The following REXO5 variants were observed in gnomAD, a reference collection of about 807,000 sequenced individuals.
The protein encoded by REXO5 is RNA exonuclease 5.
REXO5 carries 48 observed loss-of-function variants against 88.5 expected under a neutral mutation model. That is an observed-to-expected ratio of 0.54 (90% CI 0.43 to 0.69). The LOEUF is 0.69. Ranked by LOEUF, REXO5 falls within the 30% of genes least tolerant of loss-of-function variation. REXO5 has a pLI of 0.00. For synonymous variants in REXO5, 311 were observed against 336.5 expected (o/e 0.92, Z 0.83); for missense variants, 749 against 912.2 (o/e 0.82, Z 2.30).
intron 5 of REXO5, among the ~76,000 whole-genome samples, chr16:20,817,520 G>A (rs540613666): frequency 6.6e-6 from 1 of 152,296 alleles, no homozygotes; most frequent in South Asian, 2.1e-4. Context: ...GCCATATCCT[G>A]CAGGCTTTGT....
chr16:20,807,157 C>A, intron 2 of REXO5, 66 bp downstream of exon 2: 1 of 1,529,662 alleles, frequency 6.5e-7, no homozygotes, highest in Non-Finnish European at 8.8e-7. Flanking sequence ...CTCGCCCAAC[C>A]GCCGTCGGGG....
intron 3 of REXO5, among the ~76,000 whole-genome samples, chr16:20,814,480 C>A (rs1207861979): frequency 3.3e-5 from 5 of 152,000 alleles, no homozygotes; most frequent in Non-Finnish European, 7.4e-5. Context: ...GACCTCAAGT[C>A]ATCCACCTGC....
At chr16:20,827,567 T>G (rs1323420996) in intron 10 of REXO5, 120 bp downstream of exon 10, 2 of 699,972 alleles carry the variant, frequency 2.9e-6, no homozygotes, top group South Asian at 1.9e-5. Context: ...TTTAAACATG[T>G]TTTTTTGCAT....
chr16:20,820,213 A>G (rs1309634025), intron 5 of REXO5, among the ~76,000 whole-genome samples: 1 of 152,030 alleles, frequency 6.6e-6, no homozygotes, highest in Admixed American at 6.5e-5. Context: ...TCCTATGCTC[A>G]TCTCTTGCAC....
intron 18 of REXO5, 54 bp downstream of exon 18, chr16:20,845,295 C>T (rs2081590454): frequency 1.4e-6 from 2 of 1,417,292 alleles, no homozygotes; most frequent in African/African-American, 1.5e-5. Flanking sequence ...TGCTCAGTGA[C>T]ACTTAATCCT....
Position 20,832,161 on chromosome 16 carries a change from A to G in REXO5, c.1164A>G (p.Ala388=), listed in dbSNP as rs780751203. ...YFLKHGPKKI[A]ELNLEALANH... ...ACCACTTTGTTTTCTTCAAGATTGC[A>G]GAACTAAATCTAGAAGCACTAGCTA... The change falls in exon 12 of 20, where the codon GCA becomes GCG. Residue 388 remains alanine (A), a synonymous_variant. Coordinates refer to ENST00000261377, the MANE Select transcript of REXO5 (RefSeq NM_030941.3). 1.1e-5 allele frequency: 17 copies of G among 1,600,674 alleles called. No individual in the cohort carries two copies. Among genetic ancestry groups the G allele is most frequent in the Admixed American group, 5.1e-5 (3 of 58,500 alleles).
rs149370073 is a variant in REXO5 at position 20,807,778 on chromosome 16, C to G, written c.138+687C>G. Among the ~76,000 whole-genome samples the G allele has an allele frequency of 2.4e-4, 36 of 151,974 alleles. No individual in the cohort carries two copies. The East Asian group carries it at 6.0e-3, about 25-fold the overall frequency. On this transcript the variant is annotated intron_variant, in intron 2 of 19. Transcript: ENST00000261377. Reference sequence around the variant, plus strand: ...AAAAACAAAACAAAAAAAAAACTGCCTGTACATAATAGGAATGTTCATCGA... The same window carrying G: ...AAAAACAAAACAAAAAAAAAACTGCGTGTACATAATAGGAATGTTCATCGA...
chr16:20,822,511 C>T (rs543665838), intron 6 of REXO5, among the ~76,000 whole-genome samples: 1 of 152,320 alleles, frequency 6.6e-6, no homozygotes, highest in Non-Finnish European at 1.5e-5. Context: ...CAGAGTTGTA[C>T]AGCCATCACC....
intron 5 of REXO5, among the ~76,000 whole-genome samples, chr16:20,820,276 T>G (rs1285528857): frequency 6.6e-6 from 1 of 151,914 alleles, no homozygotes; most frequent in East Asian, 1.9e-4. Context: ...TTACTCTACA[T>G]TTCTGTCTTG....
At position 20,845,194 on chromosome 16, in the gene REXO5, C is replaced by G. The variant is rs1258357892; in HGVS notation, c.2077C>G (p.Pro693Ala). The change falls in exon 18 of 20, where the codon CCA (proline) becomes GCA (alanine). Residue 693 changes from proline to alanine, a missense_variant. Coordinates refer to ENST00000261377, the MANE Select transcript of REXO5 (RefSeq NM_030941.3). ...CTTACCACCTGAATCAACAAGGCTC[C>G]CAGGGCTTCGTGTTGTACCTCCCCC... The part of the protein sequence containing the change: ...RGLPPESTRL[P>A]GLRVVPPPFE... 8 of 1,613,778 alleles carry G rather than the reference C, an allele frequency of 5.0e-6. No individual in the cohort carries two copies. Among genetic ancestry groups the G allele is most frequent in the Admixed American group, 1.7e-5 (1 of 59,964 alleles).
intron 8 of REXO5, 23 bp downstream of exon 8, chr16:20,825,971 C>T (rs1228835094): frequency 6.7e-7 from 1 of 1,482,660 alleles, no homozygotes; most frequent in Non-Finnish European, 9.4e-7. Context: ...TTGCCTGCAG[C>T]TCTTCTAAGA....
intron 5 of REXO5, among the ~76,000 whole-genome samples, chr16:20,818,433 T>C (rs1230525182): frequency 6.6e-6 from 1 of 152,200 alleles, no homozygotes; most frequent in Non-Finnish European, 1.5e-5. Flanking sequence ...TATATATCCC[T>C]TTTTCTCCAT....
At chr16:20,831,521 A>G (rs888125186) in intron 11 of REXO5, among the ~76,000 whole-genome samples, 1 of 152,208 alleles carries the variant, frequency 6.6e-6, no homozygotes, top group Non-Finnish European at 1.5e-5. Flanking sequence ...TAATAGGTAA[A>G]AATGGAGGTA....
chr16:20,839,955 G>A, intron 14 of REXO5, 96 bp downstream of exon 14: 2 of 778,488 alleles, frequency 2.6e-6, no homozygotes, highest in Non-Finnish European at 4.1e-6. Flanking sequence ...AATTTGTTGT[G>A]TTTTTCTCTA....
In REXO5 at chr16:20,833,058, A is replaced by T; in HGVS notation, c.1318A>T (p.Thr440Ser). The change falls in exon 13 of 20, where the codon ACA (threonine) becomes TCA (serine). Residue 440 changes from threonine to serine, a missense_variant. Physicochemically the swap from Thr to Ser is moderately conservative, Grantham distance 58. Coordinates refer to ENST00000261377, the MANE Select transcript of REXO5 (RefSeq NM_030941.3). ...GAAGCTTCTTTTTTTGACCCGGGAG[A>T]CAGATGCTGGTGAACTTCCATCTTC... ...GQKLLFLTRETDAGELPSSRN... is the reference protein window; with the variant it reads ...GQKLLFLTRESDAGELPSSRN... 6.2e-7 allele frequency: 1 copy of T among 1,613,660 alleles called. No homozygotes were observed. The highest frequency in any genetic ancestry group is 1.1e-5 in the South Asian group (1 of 91,072).
chr16:20,831,114 AG>A (rs1427698086), intron 11 of REXO5, among the ~76,000 whole-genome samples: 1 of 150,748 alleles, frequency 6.6e-6, no homozygotes, highest in Non-Finnish European at 1.5e-5. Flanking sequence ...AAGCATATAC[AG>A]CCACTCTGTC....
At chr16:20,833,162 G>T in intron 13 of REXO5, 39 bp downstream of exon 13, 1 of 1,595,762 alleles carries the variant, frequency 6.3e-7, no homozygotes, top group Non-Finnish European at 8.6e-7. Flanking sequence ...TATATTCAAA[G>T]CAGAGGGGAA....
chr16:20,834,727 A>G (rs925953422), intron 13 of REXO5, among the ~76,000 whole-genome samples: 1 of 152,112 alleles, frequency 6.6e-6, no homozygotes, highest in African/African-American at 2.4e-5. Context: ...TGCAGTATCT[A>G]ATCTACTGAT....
chr16:20,845,302 T>C, intron 18 of REXO5, 61 bp downstream of exon 18: 1 of 1,428,604 alleles, frequency 7.0e-7, no homozygotes, highest in Non-Finnish European at 9.5e-7. Context: ...TGACACTTAA[T>C]CCTTTAATCT....
Sources: allele counts gnomAD v4.1 joint callset (sites outside exome capture counted in the v4.1 genomes callset), GRCh38; gene constraint gnomAD v4.1.1; transcripts MANE v1.5; gene names NCBI Gene and HGNC (gene_info 2026-07-23, HGNC 2026-07-21).